The following AGAP1 variants were observed in gnomAD, a reference collection of about 807,000 sequenced individuals.
AGAP1 encodes the protein arf-GAP with GTPase, ANK repeat and PH domain-containing protein 1.
AGAP1 carries 29 observed loss-of-function variants against 105.3 expected under a neutral mutation model. The ratio of observed to expected loss-of-function variants is 0.28; its 90% CI spans 0.21 to 0.38. The LOEUF (loss-of-function observed/expected upper bound fraction) is 0.38. AGAP1 is among the 10% of genes least tolerant of loss of function. The pLI, the probability that AGAP1 is intolerant of heterozygous loss-of-function variation, is 1.00. For missense variants in AGAP1, 998 were observed against 1,165.1 expected, an observed-to-expected ratio of 0.86 and a Z score of 2.09; for synonymous variants, 509 against 485.9, an observed-to-expected ratio of 1.05 and a Z score of -0.63.
chr2:236,048,978 C>A, intron 15 of AGAP1, 81 bp from the exon 16 acceptor site: 1 of 1,331,140 alleles, frequency 7.5e-7, no homozygotes, highest in Non-Finnish European at 1.1e-6. Context: ...TTGACTGATT[C>A]GTCGCCTTGT....
chr2:236,103,912 T>A (rs2059421863), intron 16 of AGAP1, among the ~76,000 whole-genome samples: 1 of 152,170 alleles, frequency 6.6e-6, no homozygotes, highest in Admixed American at 6.5e-5. Flanking sequence ...CTGGCTCCTG[T>A]CCCCACCCTG....
At chr2:235,544,836 A>G (rs1352584387) in intron 1 of AGAP1, among the ~76,000 whole-genome samples, 2 of 152,154 alleles carry the variant, frequency 1.3e-5, no homozygotes, top group Admixed American at 6.5e-5. Context: ...CTCAGATTTC[A>G]GACTTGCTTT....
At chr2:236,103,556 C>G (rs1046499535) in intron 16 of AGAP1, among the ~76,000 whole-genome samples, 5 of 142,404 alleles carry the variant, frequency 3.5e-5, no homozygotes, top group African/African-American at 1.3e-4. Context: ...TCTTTCCTTT[C>G]TTTCTTTCTT....
chr2:235,759,417 C>T (rs919070492), intron 6 of AGAP1, among the ~76,000 whole-genome samples: 6 of 152,158 alleles, frequency 3.9e-5, no homozygotes, highest in African/African-American at 9.7e-5. Context: ...GATCCGCCCG[C>T]CTTGGCCTCC....
At chr2:235,814,028 C>A (rs1278347737) in intron 9 of AGAP1, among the ~76,000 whole-genome samples, 1 of 152,196 alleles carries the variant, frequency 6.6e-6, no homozygotes, top group East Asian at 1.9e-4. Context: ...GTGTGTTCTT[C>A]TGCCGGTGTG....
At chr2:235,858,703 A>G (rs570043237) in intron 9 of AGAP1, among the ~76,000 whole-genome samples, 1 of 152,350 alleles carries the variant, frequency 6.6e-6, no homozygotes, top group Admixed American at 6.5e-5. Context: ...GTATCCGTCT[A>G]CCATGAAAGG....
rs2125671854 is a variant in AGAP1 at position 236,038,723 on chromosome 2, G to A, written c.1800+2008G>A. ...TTTACCTGCCAGTGGATAATTGAGA[G>A]CTGATACAGGTATAGGCATAGCTAG... is the stretch of plus-strand genomic sequence containing the variant. On this transcript the variant is annotated intron_variant, in intron 14 of 17. Transcript: ENST00000304032. The surrounding 1 kb of genome is among the most constrained non-coding windows in gnomAD (Gnocchi z 4.5). Among the ~76,000 whole-genome samples, 1 of 152,288 alleles carries A rather than the reference G, an allele frequency of 6.6e-6. No homozygotes were observed. The highest frequency in any genetic ancestry group is 1.9e-4 in the East Asian group (1 of 5,168).
rs1202323616 is a variant in AGAP1 at position 235,642,884 on chromosome 2, C to T, written c.164-66295C>T. On this transcript the variant is annotated intron_variant, in intron 1 of 17. Coordinates refer to ENST00000304032, the MANE Select transcript of AGAP1 (RefSeq NM_001037131.3). The surrounding 1 kb of genome is among the most constrained non-coding windows in gnomAD (Gnocchi z 4.1). Reference sequence around the variant, plus strand: ...CTTGGCAGATTTCTCGTGGCCTAGACTGTGGTGTTTGGGGCCGCCTGTCTG... The same window carrying T: ...CTTGGCAGATTTCTCGTGGCCTAGATTGTGGTGTTTGGGGCCGCCTGTCTG... Among the ~76,000 whole-genome samples, 1 of 152,170 alleles carries T rather than the reference C, an allele frequency of 6.6e-6. No individual in the cohort carries two copies. Among genetic ancestry groups the T allele is most frequent in the Admixed American group, 6.5e-5 (1 of 15,282 alleles).
In AGAP1 at chr2:235,900,353, A is replaced by G. The variant is rs1426902382; in HGVS notation, c.1156-8385A>G. 1.3e-5 allele frequency among the ~76,000 whole-genome samples: 2 copies of G among 151,538 alleles called. No individual in the cohort carries two copies. Among genetic ancestry groups the G allele is most frequent in the Non-Finnish European group, 2.9e-5 (2 of 67,926 alleles). ...GAGGTAGGAGGAGCCCAAAGTGGCC[A>G]GGTGACAATCTTACAGTTTAATGGA... is the stretch of plus-strand genomic sequence containing the variant. On this transcript the variant is annotated intron_variant, in intron 10 of 17. Coordinates refer to ENST00000304032, the MANE Select transcript of AGAP1 (RefSeq NM_001037131.3). The surrounding 1 kb of genome is among the most constrained non-coding windows in gnomAD (Gnocchi z 5.5).
At chr2:235,810,833 C>CTTT (rs76910320) in intron 9 of AGAP1, among the ~76,000 whole-genome samples, 63 of 113,004 alleles carry the variant, frequency 5.6e-4, no homozygotes, top group Non-Finnish European at 6.4e-4. Flanking sequence ...AATTCGGTTT[C>CTTT]TTTTTTTTTT....
At chr2:235,946,947 C>T (rs1045791995) in intron 12 of AGAP1, among the ~76,000 whole-genome samples, 4 of 152,184 alleles carry the variant, frequency 2.6e-5, no homozygotes, top group Non-Finnish European at 5.9e-5. Context: ...GTCCTTCTTC[C>T]CCACCTTACT....
Position 235,777,140 on chromosome 2 carries a change from C to T in AGAP1, c.674-20619C>T, listed in dbSNP as rs1227119265. ...TTGAGAGGCCAAGGCGGGTGGATCA[C>T]GAGGTCAGGAGATCGAGACCATCCT... On this transcript the variant is annotated intron_variant, in intron 6 of 17. Transcript: ENST00000304032. This position sits in a 1 kb window ranked among gnomAD's most constrained non-coding sequence, Gnocchi z 5.1. 6.6e-6 allele frequency: 3 copies of T among 451,880 alleles called. No individual in the cohort carries two copies. Among genetic ancestry groups the T allele is most frequent in the South Asian group, 4.9e-5 (3 of 61,100 alleles). The allele number at this position is 451,880 out of a possible 1,614,324, so 28.0% of individuals were successfully genotyped here.
intron 1 of AGAP1, chr2:235,670,214 G>T: frequency 1.7e-6 from 1 of 574,436 alleles, no homozygotes; most frequent in Non-Finnish European, 3.2e-6. Context: ...GGTCAGGAAG[G>T]AGCAGCTGGC....
At chr2:235,710,523 T>C (rs1174292159) in intron 2 of AGAP1, among the ~76,000 whole-genome samples, 1 of 151,994 alleles carries the variant, frequency 6.6e-6, no homozygotes, top group African/African-American at 2.4e-5. Context: ...TCCCTGAAGG[T>C]CTCTGGGCTG....
At position 235,691,921 on chromosome 2, in the gene AGAP1, C is replaced by T. The variant is rs532889391; in HGVS notation, c.164-17258C>T. Among the ~76,000 whole-genome samples, 8 of 152,280 alleles carry T rather than the reference C, an allele frequency of 5.3e-5. No individual in the cohort carries two copies. The South Asian group carries it at 1.7e-3, about 32-fold the overall frequency. On this transcript the variant is annotated intron_variant, in intron 1 of 17. Coordinates refer to ENST00000304032, the MANE Select transcript of AGAP1 (RefSeq NM_001037131.3). The surrounding 1 kb of genome is among the most constrained non-coding windows in gnomAD (Gnocchi z 4.4). Reference sequence around the variant, plus strand: ...GCAAAATCGGAGTTCCTAGTAGAAACAGACATGCAGCATATTGTGAAATGT... The same window carrying T: ...GCAAAATCGGAGTTCCTAGTAGAAATAGACATGCAGCATATTGTGAAATGT...
chr2:236,092,449 G>C lies in AGAP1; in HGVS notation c.2115-27743G>C, dbSNP rs1008626343. On this transcript the variant is annotated intron_variant, in intron 16 of 17. Transcript: ENST00000304032. The surrounding 1 kb of genome is among the most constrained non-coding windows in gnomAD (Gnocchi z 4.7). ...GCTCTGTCACCCAGGCTGGAGTGTAGTGGTGCAGTCTCGTCTCACTGCAAC... is the reference window on the plus strand; with the variant it reads ...GCTCTGTCACCCAGGCTGGAGTGTACTGGTGCAGTCTCGTCTCACTGCAAC... Among the ~76,000 whole-genome samples, 1 of 152,116 alleles carries C rather than the reference G, an allele frequency of 6.6e-6. No homozygotes were observed. Among genetic ancestry groups the C allele is most frequent in the South Asian group, 2.1e-4 (1 of 4,818 alleles).
At chr2:236,097,883 C>T (rs1193858033) in intron 16 of AGAP1, among the ~76,000 whole-genome samples, 2 of 152,190 alleles carry the variant, frequency 1.3e-5, no homozygotes, top group African/African-American at 2.4e-5. Context: ...ACTCCCGACT[C>T]CCGGCACCTC....
chr2:235,569,753 G>T lies in AGAP1; in HGVS notation c.163+74904G>T, dbSNP rs1051590842. ...AGATGCAGGTCTTTCTATGGAACCT[G>T]TAGGTTCTGAGACCGAGCCTTGGGT... On this transcript the variant is annotated intron_variant, in intron 1 of 17. Transcript: ENST00000304032. The surrounding 1 kb of genome is among the most constrained non-coding windows in gnomAD (Gnocchi z 5.9). Among the ~76,000 whole-genome samples, 3 of 152,204 alleles carry T rather than the reference G, an allele frequency of 2.0e-5. No homozygotes were observed. Among genetic ancestry groups the T allele is most frequent in the Non-Finnish European group, 4.4e-5 (3 of 68,042 alleles).
chr2:236,044,598 G>A lies in AGAP1; in HGVS notation c.1891+3757G>A, dbSNP rs72973023. Among the ~76,000 whole-genome samples the A allele has an allele frequency of 1.7e-3, 253 of 152,220 alleles. No homozygotes were observed. Among genetic ancestry groups the A allele is most frequent in the Non-Finnish European group, 3.1e-3 (211 of 68,014 alleles). On this transcript the variant is annotated intron_variant, in intron 15 of 17. Transcript: ENST00000304032. This position sits in a 1 kb window ranked among gnomAD's most constrained non-coding sequence, Gnocchi z 5.7. ...GTGAACCCCAGGCCTGCACACAAGA[G>A]GGGACTGGCACCCACCACTACCACC...
Sources: gnomAD v4.1 joint callset for allele counts (sites outside exome capture counted in the v4.1 genomes callset) on GRCh38, gnomAD v4.1.1 for gene constraint, Gnocchi (gnomAD v3.1) non-coding constraint, MANE v1.5 for transcripts, NCBI Gene and HGNC (gene_info 2026-07-23, HGNC 2026-07-21) for gene names.